The following FOXA2 variants were observed in gnomAD, a reference collection of about 807,000 sequenced individuals.
FOXA2 encodes the protein hepatocyte nuclear factor 3-beta.
FOXA2 carries 9 observed loss-of-function variants against 33.3 expected under a neutral mutation model. The observed-to-expected ratio is 0.27, with a 90% CI of 0.16 to 0.47. FOXA2 has a LOEUF of 0.47. FOXA2 is among the 20% of genes least tolerant of loss of function. The pLI is 0.99. For missense variants in FOXA2, 704 were observed against 659.9 expected (o/e 1.07, Z -0.73); for synonymous variants, 329 against 289.4 (o/e 1.14, Z -1.39).
rs979439753 is a variant in FOXA2, at chr20:22,582,181, T to G, written c.1061A>C (p.His354Pro). 7.7e-6 allele frequency: 12 copies of G among 1,553,774 alleles called. No individual in the cohort carries two copies. Among genetic ancestry groups the G allele is most frequent in the African/African-American group, 1.4e-5 (1 of 73,222 alleles). ...SPGQQQQAAAHLLGPPHHPGL... is the reference protein window; with the variant it reads ...SPGQQQQAAAPLLGPPHHPGL... ...CGGGTGGTGGGGCGGGCCCAGCAGG[T>G]GGGCCGCGGCCTGCTGCTGCTGCCC... Residue 354 changes from histidine to proline, a missense_variant, in exon 2 of 2, where the codon CAC becomes CCC. Physicochemically the swap from His to Pro is moderately conservative, Grantham distance 77. Transcript: ENST00000419308.
upstream of FOXA2, chr20:22,585,350 C>A (rs1289643455): frequency 6.6e-6 from 1 of 152,274 alleles, no homozygotes; most frequent in Non-Finnish European, 1.5e-5. Context: ...TCGGGAGAAG[C>A]GCGGGGCGCA....
chr20:22,583,545 C>G (rs1984664066), intron 1 of FOXA2, among the ~76,000 whole-genome samples: 1 of 152,250 alleles, frequency 6.6e-6, no homozygotes, highest in Admixed American at 6.5e-5. Flanking sequence ...ACGCCACCTC[C>G]GGTCGCAGCA....
At position 22,584,250 on chromosome 20, in the gene FOXA2, G is replaced by T. The variant is rs1984688701; in HGVS notation, c.29C>A (p.Ala10Glu). 1.9e-6 allele frequency: 3 copies of T among 1,613,764 alleles called. No homozygotes were observed. The highest frequency in any genetic ancestry group is 2.5e-6 in the Non-Finnish European group (3 of 1,179,952). The change falls in exon 1 of 2, where the codon GCG becomes GAG. Residue 10 changes from alanine (A) to glutamate (E), a missense_variant. Around this residue, in one of 5 missense-constraint regions of FOXA2, gnomAD observed 304 missense variants for 251.7 expected, o/e 1.21. Coordinates refer to ENST00000419308, the MANE Select transcript of FOXA2 (RefSeq NM_021784.5). MHSASSMLG[A>E]VKMEGHEPSD... ...CGGCTCGTGCCCTTCCATCTTCACCGCTCCCAGCATACTGGAAGCCGAGTG... is the reference window on the plus strand; with the variant it reads ...CGGCTCGTGCCCTTCCATCTTCACCTCTCCCAGCATACTGGAAGCCGAGTG...
chr20:22,584,000 A>T (rs1395751132), intron 1 of FOXA2, among the ~76,000 whole-genome samples, 192 bp downstream of exon 1: 1 of 152,134 alleles, frequency 6.6e-6, no homozygotes, highest in Non-Finnish European at 1.5e-5. Flanking sequence ...AGTTAATATT[A>T]TCTCAAGGCT....
intron 1 of FOXA2, among the ~76,000 whole-genome samples, 170 bp downstream of exon 1, chr20:22,584,021 CG>C (rs1404397911): frequency 6.6e-6 from 1 of 150,876 alleles, no homozygotes; most frequent in East Asian, 2.0e-4. Context: ...AACAGTGTGT[CG>C]TATAAAAAAG....
At chr20:22,584,116 G>T in intron 1 of FOXA2, 76 bp downstream of exon 1, 2 of 1,424,674 alleles carry the variant, frequency 1.4e-6, no homozygotes, top group South Asian at 2.3e-5. Context: ...GGGTGCCAGC[G>T]AGGGAAGCGG....
At chr20:22,583,725 T>TA (rs1984669764) in intron 1 of FOXA2, among the ~76,000 whole-genome samples, 1 of 152,168 alleles carries the variant, frequency 6.6e-6, no homozygotes, top group African/African-American at 2.4e-5. Flanking sequence ...AACGGGGCAA[T>TA]AGGGAAAGAA....
rs1984611002 is a variant in FOXA2 at position 22,582,391 on chromosome 20, G to A, written c.851C>T (p.Ala284Val). 2.6e-6 allele frequency: 4 copies of A among 1,546,590 alleles called. No homozygotes were observed. The highest frequency in any genetic ancestry group is 1.2e-5 in the South Asian group (1 of 80,884). ...GAAGSGKKAA[A>V]GAQASQAQLG... ...TTGAGCCTGTGAGGCCTGGGCTCCGGCGGCCGCCTTCTTGCCGCTGCCGGC... is the reference window on the plus strand; with the variant it reads ...TTGAGCCTGTGAGGCCTGGGCTCCGACGGCCGCCTTCTTGCCGCTGCCGGC... Residue 284 changes from alanine to valine, a missense_variant, in exon 2 of 2, where the codon GCC becomes GTC. By Grantham distance (64) the Ala-to-Val change is moderately conservative (BLOSUM62 0). This residue lies in a region of FOXA2 where 343 missense variants were observed against 274.8 expected (regional missense o/e 1.25). Coordinates refer to ENST00000419308, the MANE Select transcript of FOXA2 (RefSeq NM_021784.5).
rs1440688815 is a variant in FOXA2, at chr20:22,582,561, G to C, written c.681C>G (p.Pro227=). 6.2e-7 allele frequency: 1 copy of C among 1,614,160 alleles called. No homozygotes were observed. Among genetic ancestry groups the C allele is most frequent in the Admixed American group, 1.7e-5 (1 of 60,014 alleles). Reference sequence around the variant, plus strand: ...CCTTGCCGGGCTTGTCGGGCGAGCGGGGCACCTTCAGGAAACAGTCGTTGA... The same window carrying C: ...CCTTGCCGGGCTTGTCGGGCGAGCGCGGCACCTTCAGGAAACAGTCGTTGA... ...LSFNDCFLKV[P]RSPDKPGKGS... Residue 227 remains proline, a synonymous_variant, in exon 2 of 2, where the codon CCC becomes CCG. Coordinates refer to ENST00000419308, the MANE Select transcript of FOXA2 (RefSeq NM_021784.5).
chr20:22,582,165 G>C lies in FOXA2; in HGVS notation c.1077C>G (p.Pro359=). 6.4e-7 allele frequency: 1 copy of C among 1,560,708 alleles called. No individual in the cohort carries two copies. The highest frequency in any genetic ancestry group is 8.7e-7 in the Non-Finnish European group (1 of 1,151,860). ...QQAAAHLLGP[P]HHPGLPPEAH... Reference sequence around the variant, plus strand: ...CCTCAGGCGGCAGGCCCGGGTGGTGGGGCGGGCCCAGCAGGTGGGCCGCGG... The same window carrying C: ...CCTCAGGCGGCAGGCCCGGGTGGTGCGGCGGGCCCAGCAGGTGGGCCGCGG... Residue 359 remains proline, a synonymous_variant, in exon 2 of 2, where the codon CCC becomes CCG. Transcript: ENST00000419308.
chr20:22,584,660 CGGTGGT>C, upstream of FOXA2, among the ~76,000 whole-genome samples: 1 of 28,974 alleles, frequency 3.5e-5, no homozygotes, highest in East Asian at 2.3e-3. Flanking sequence ...GAGGAGGAGG[CGGTGGT>C]GGTGGTGGAG....
Position 22,583,282 on chromosome 20 carries a change from G to A in FOXA2, c.88-128C>T, listed in dbSNP as rs1300002857. 3 of 936,856 alleles carry A rather than the reference G, an allele frequency of 3.2e-6. No individual in the cohort carries two copies. In the East Asian group the frequency reaches 7.2e-5, roughly 23 times the overall value. 58.0% of individuals were successfully genotyped at this position (936,856 alleles called of 1,614,324 possible). Reference sequence around the variant, plus strand: ...TCCGGGGAGCCCTTTCGTCCCCGATGGCCCAGTCTCCGGACTCCGAGTCTG... The same window carrying A: ...TCCGGGGAGCCCTTTCGTCCCCGATAGCCCAGTCTCCGGACTCCGAGTCTG... On this transcript the variant is annotated intron_variant, in intron 1 of 1. Transcript: ENST00000419308.
Position 22,582,697 on chromosome 20 carries a change from G to C in FOXA2, c.545C>G (p.Pro182Arg), listed in dbSNP as rs752425171. Reference protein sequence around the residue: ...SLITMAIQQSPNKMLTLSEIY... With the variant: ...SLITMAIQQSRNKMLTLSEIY... ...CTCGCTCAGCGTCAGCATCTTGTTGGGGCTCTGCTGGATGGCCATGGTGAT... is the reference window on the plus strand; with the variant it reads ...CTCGCTCAGCGTCAGCATCTTGTTGCGGCTCTGCTGGATGGCCATGGTGAT... The change falls in exon 2 of 2, where the codon CCC becomes CGC. Residue 182 changes from proline to arginine, a missense_variant. Coordinates refer to ENST00000419308, the MANE Select transcript of FOXA2 (RefSeq NM_021784.5). 6.8e-6 allele frequency: 11 copies of C among 1,613,562 alleles called. No homozygotes were observed. Among genetic ancestry groups the C allele is most frequent in the Non-Finnish European group, 9.3e-6 (11 of 1,179,848 alleles).
rs765778841 is a variant in FOXA2, at chr20:22,583,073, T to A, written c.169A>T (p.Met57Leu). ...NTYMSMSAAAMGSGSGNMSAG... is the reference protein window; with the variant it reads ...NTYMSMSAAALGSGSGNMSAG... ...CTCATGTTGCCCGAGCCGCTGCCCATGGCGGCCGCCGACATGCTCATGTAC... is the reference window on the plus strand; with the variant it reads ...CTCATGTTGCCCGAGCCGCTGCCCAAGGCGGCCGCCGACATGCTCATGTAC... Residue 57 changes from methionine to leucine, a missense_variant, in exon 2 of 2, where the codon ATG (methionine) becomes TTG (leucine). Around this residue, in one of 5 missense-constraint regions of FOXA2, gnomAD observed 304 missense variants for 251.7 expected, o/e 1.21. Transcript: ENST00000419308. 7 of 1,609,500 alleles carry A rather than the reference T, an allele frequency of 4.3e-6. No individual in the cohort carries two copies. The highest frequency in any genetic ancestry group is 2.5e-6 in the Non-Finnish European group (3 of 1,179,782).
In FOXA2 at chr20:22,581,980, C is replaced by T. The variant is rs1202848357; in HGVS notation, c.1262G>A (p.Gly421Asp). ...YEQVMHYPGY[G>D]SPMPGSLAMG... The stretch of plus-strand genomic sequence containing the variant: ...GGCCAAGCTGCCAGGCATGGGGGAA[C>T]CGTAGCCGGGGTAGTGCATCACCTG... Residue 421 changes from glycine to aspartate, a missense_variant, in exon 2 of 2, where the codon GGT becomes GAT. Gly to Asp is a moderately conservative substitution (Grantham distance 94, BLOSUM62 -1). Transcript: ENST00000419308. 6.2e-7 allele frequency: 1 copy of T among 1,613,712 alleles called. No individual in the cohort carries two copies. The highest frequency in any genetic ancestry group is 1.1e-5 in the South Asian group (1 of 91,074).
intron 1 of FOXA2, among the ~76,000 whole-genome samples, 166 bp downstream of exon 1, chr20:22,584,026 A>C (rs1363803037): frequency 6.6e-6 from 1 of 152,180 alleles, no homozygotes; most frequent in African/African-American, 2.4e-5. Context: ...TGTGTCGTAT[A>C]AAAAAGAGAC....
chr20:22,584,442 G>A lies in FOXA2; in HGVS notation c.-164C>T, dbSNP rs972012555. 1 of 646,208 alleles carries A rather than the reference G, an allele frequency of 1.5e-6. No homozygotes were observed. The highest frequency in any genetic ancestry group is 1.8e-5 in the African/African-American group (1 of 55,454). 40.0% of individuals were successfully genotyped at this position (646,208 alleles called of 1,614,324 possible). A position where few individuals can be genotyped will look rare whatever the true frequency, so the allele number is the denominator to read the frequency against. On this transcript the variant is annotated 5_prime_UTR_variant, in exon 1 of 2. Transcript: ENST00000419308. The stretch of plus-strand genomic sequence containing the variant: ...CTCTCTCTCCCTGGGCAGGCCGGAG[G>A]CGGTAGTTGGAAGTGGGCGGGAGGT...
chr20:22,582,101 G>T lies in FOXA2; in HGVS notation c.1141C>A (p.Pro381Thr), dbSNP rs988419655. Residue 381 changes from proline (P) to threonine (T), a missense_variant, in exon 2 of 2, where the codon CCG becomes ACG. Physicochemically the swap from Pro to Thr is conservative, Grantham distance 38. Coordinates refer to ENST00000419308, the MANE Select transcript of FOXA2 (RefSeq NM_021784.5). ...KPEHHYAFNHPFSINNLMSSE... is the reference protein window; with the variant it reads ...KPEHHYAFNHTFSINNLMSSE... ...GACATGAGGTTGTTGATGGAGAACG[G>T]GTGGTTGAAGGCGTAGTGGTGTTCC... 6.2e-7 allele frequency: 1 copy of T among 1,610,084 alleles called. No individual in the cohort carries two copies.
Position 22,582,878 on chromosome 20 carries a change from GC to G in FOXA2, c.363del (p.Gln122ArgfsTer15). ...AGGCCGCCCATGGCCCCGGCCGCCT[GC>G]CCCCCGAGCGGGCTCAGGCTGGGAC... ...HLSPSLSPLG[G>X]QAAGAMGGLA... On this transcript the variant is annotated frameshift_variant, in exon 2 of 2. Coordinates refer to ENST00000419308, the MANE Select transcript of FOXA2 (RefSeq NM_021784.5). LOFTEE classifies it high-confidence loss of function. 6.4e-7 allele frequency: 1 copy of G among 1,573,944 alleles called. No homozygotes were observed. Among genetic ancestry groups the G allele is most frequent in the Non-Finnish European group, 8.6e-7 (1 of 1,163,414 alleles).
Sources: gnomAD v4.1 joint callset for allele counts (sites outside exome capture counted in the v4.1 genomes callset) on GRCh38, gnomAD v4.1.1 for gene constraint, gnomAD v4.1.1 regional missense constraint, MANE v1.5 for transcripts, NCBI Gene and HGNC (gene_info 2026-07-23, HGNC 2026-07-21) for gene names.